Variants in L3HYPDH observed in about 807,000 individuals in gnomAD.
L3HYPDH encodes the protein trans-L-3-hydroxyproline dehydratase.
In L3HYPDH, 32 loss-of-function variants were observed where a neutral mutation model predicts 26.5. The ratio of observed to expected loss-of-function variants is 1.21; its 90% CI spans 0.91 to 1.62. L3HYPDH has a LOEUF of 1.62. Ranked by LOEUF, L3HYPDH falls within the 40% of genes most tolerant of loss-of-function variation. The pLI, the probability that L3HYPDH is intolerant of heterozygous loss-of-function variation, is 0.00. For missense variants in L3HYPDH, 554 were observed against 476.4 expected (o/e 1.16, Z -1.52); for synonymous variants, 215 against 196.6 (o/e 1.09, Z -0.78).
chr14:59,504,489 A>G, the L3HYPDH span: 1 of 159,498 alleles, frequency 6.3e-6, no homozygotes, highest in Non-Finnish European at 1.4e-5. Flanking sequence ...CCTATAATGA[A>G]TTGTAAAAAC....
chr14:59,470,120 G>T (rs1441293213), downstream of L3HYPDH, among the ~76,000 whole-genome samples: 1 of 152,158 alleles, frequency 6.6e-6, no homozygotes, highest in Non-Finnish European at 1.5e-5. Context: ...GAACGTACTT[G>T]TGAGCGCTAT....
intron 2 of L3HYPDH, among the ~76,000 whole-genome samples, chr14:59,478,288 G>T (rs1333520777): frequency 6.6e-6 from 1 of 152,134 alleles, no homozygotes; most frequent in Non-Finnish European, 1.5e-5. Flanking sequence ...TAACTGCTAG[G>T]TGTGGTGGCT....
chr14:59,492,860 C>T, the L3HYPDH span, among the ~76,000 whole-genome samples: 14 of 145,906 alleles, frequency 9.6e-5, no homozygotes, highest in African/African-American at 1.3e-4. Flanking sequence ...TGCGGTGGTG[C>T]GACCTCGGCT....
the L3HYPDH span, among the ~76,000 whole-genome samples, chr14:59,503,210 T>G: frequency 6.6e-6 from 1 of 152,152 alleles, no homozygotes. Flanking sequence ...AAAGACAGCT[T>G]AGTACTGGTT....
At chr14:59,491,231 C>G in the L3HYPDH span, among the ~76,000 whole-genome samples, 1 of 152,080 alleles carries the variant, frequency 6.6e-6, no homozygotes. Context: ...TGATGCATGC[C>G]CAGATGTGTG....
chr14:59,486,933 G>A, upstream of L3HYPDH: 1 of 680,042 alleles, frequency 1.5e-6, no homozygotes, highest in Non-Finnish European at 2.5e-6. Context: ...AGGCGCAGTG[G>A]CTCATGCCTG....
chr14:59,502,760 T>TG, the L3HYPDH span, among the ~76,000 whole-genome samples: 18 of 130,102 alleles, frequency 1.4e-4, no homozygotes, highest in Non-Finnish European at 2.6e-4. Context: ...ATTTTTTTTT[T>TG]TTTTTTTTTT....
the L3HYPDH span, among the ~76,000 whole-genome samples, chr14:59,499,104 A>G: frequency 1.5e-5 from 2 of 136,926 alleles, no homozygotes; most frequent in East Asian, 2.1e-4. Context: ...GTTCACTGCA[A>G]CCTCCGCCTC....
the L3HYPDH span, chr14:59,503,919 T>C: frequency 6.2e-7 from 1 of 1,613,784 alleles, no homozygotes; most frequent in Non-Finnish European, 8.5e-7. Context: ...GGTTACTTCA[T>C]GCCTATGGAA....
intron 1 of L3HYPDH, 138 bp from the exon 2 acceptor site, chr14:59,479,489 C>T (rs1889867060): frequency 8.5e-6 from 7 of 826,928 alleles, no homozygotes; most frequent in Admixed American, 3.0e-5. Context: ...AGTAAAAATC[C>T]GTTTTTTAAA....
At chr14:59,491,571 T>G in the L3HYPDH span, among the ~76,000 whole-genome samples, 1 of 152,244 alleles carries the variant, frequency 6.6e-6, no homozygotes, top group African/African-American at 2.4e-5. Context: ...TGTTTTCATC[T>G]TTGTAAAATG....
chr14:59,505,091 A>T, the L3HYPDH span: 1 of 442,894 alleles, frequency 2.3e-6, no homozygotes. Flanking sequence ...TTAGAAGTTT[A>T]TTTACTGATA....
chr14:59,504,969 T>A, the L3HYPDH span: 2 of 247,876 alleles, frequency 8.1e-6, no homozygotes, highest in Non-Finnish European at 1.5e-5. Context: ...ATAGGTGTTC[T>A]GTGATGTTTA....
the L3HYPDH span, chr14:59,504,412 C>T: frequency 2.2e-5 from 5 of 228,172 alleles, no homozygotes; most frequent in Non-Finnish European, 2.6e-5. Flanking sequence ...AGCTTTAACA[C>T]GTGTAATCTG....
chr14:59,483,143 A>T (rs534348264), intron 1 of L3HYPDH, among the ~76,000 whole-genome samples: 25 of 152,192 alleles, frequency 1.6e-4, no homozygotes, highest in Non-Finnish European at 2.1e-4. Context: ...GCATACTCTC[A>T]TTTAATCCTA....
At chr14:59,485,056 C>G (rs1566570997), upstream of L3HYPDH, 2 of 1,598,360 alleles carry the variant, frequency 1.3e-6, no homozygotes, top group South Asian at 2.2e-5. Context: ...CTTTAGCCAT[C>G]GTTCGCTAAA....
chr14:59,480,160 T>G (rs1889913732), intron 1 of L3HYPDH, among the ~76,000 whole-genome samples: 1 of 152,212 alleles, frequency 6.6e-6, no homozygotes, highest in African/African-American at 2.4e-5. Flanking sequence ...TGTTTTTATT[T>G]TAGGGAAGCC....
chr14:59,479,327 T>C lies in L3HYPDH; in HGVS notation c.533A>G (p.His178Arg), dbSNP rs778148908. 3.1e-6 allele frequency: 5 copies of C among 1,612,386 alleles called. No individual in the cohort carries two copies. The South Asian group carries it at 4.4e-5, about 14-fold the overall frequency. ...ATDLMVDVPG[H>R]GKVMVDIAYG... ...TGCAATGTCCACCATCACCTTTCCA[T>C]GTCCAGGAACATCCACCATGAGATC... Residue 178 changes from histidine (H) to arginine (R), a missense_variant, in exon 2 of 5, where the codon CAT becomes CGT. Coordinates refer to ENST00000247194, the MANE Select transcript of L3HYPDH (RefSeq NM_144581.2).
chr14:59,495,240 G>T, the L3HYPDH span: 2 of 1,528,826 alleles, frequency 1.3e-6, no homozygotes, highest in South Asian at 2.3e-5. Context: ...TGTTTATTTC[G>T]ACTTAAGATC....
Sources: allele counts gnomAD v4.1 joint callset (sites outside exome capture counted in the v4.1 genomes callset), GRCh38; gene constraint gnomAD v4.1.1; transcripts MANE v1.5; gene names NCBI Gene and HGNC (gene_info 2026-07-23, HGNC 2026-07-21).